Variants in PCDHA1 observed in about 807,000 individuals in gnomAD.
PCDHA1 encodes protocadherin alpha-1.
Under a neutral mutation model 61.3 loss-of-function variants are expected in PCDHA1, and 42 were observed. That is an observed-to-expected ratio of 0.69 (90% CI 0.54 to 0.89). The LOEUF is 0.89. Among genes scored for constraint, PCDHA1 ranks in the 40% least tolerant of loss-of-function variants. The probability of loss-of-function intolerance (pLI) is 0.00; values close to 1 mark genes in which losing one functional copy is unlikely to be tolerated. For missense variants in PCDHA1, 1,256 were observed against 1,235.3 expected, an observed-to-expected ratio of 1.02 and a Z score of -0.25; for synonymous variants, 610 against 553.8, an observed-to-expected ratio of 1.10 and a Z score of -1.43.
chr5:141,010,146 C>T lies in PCDHA1; in HGVS notation c.*209C>T. 2 of 1,584,410 alleles carry T rather than the reference C, an allele frequency of 1.3e-6. No homozygotes were observed. Among genetic ancestry groups the T allele is most frequent in the Non-Finnish European group, 1.7e-6 (2 of 1,164,258 alleles). On this transcript the variant is annotated 3_prime_UTR_variant, in exon 4 of 4. Coordinates refer to ENST00000504120, the MANE Select transcript of PCDHA1 (RefSeq NM_018900.4). ...TAAGTCTGGTGTTAACTCTTTCTCTCCACTCTGGCTTGTTTTCAGAACCTA... is the reference window on the plus strand; with the variant it reads ...TAAGTCTGGTGTTAACTCTTTCTCTTCACTCTGGCTTGTTTTCAGAACCTA...
intron 1 of PCDHA1, among the ~76,000 whole-genome samples, chr5:140,846,109 A>C (rs1780201260): frequency 6.7e-6 from 1 of 149,748 alleles, no homozygotes; most frequent in Non-Finnish European, 1.5e-5. Context: ...TGTGTAGACT[A>C]TCTTACTTTG....
In PCDHA1 at chr5:140,830,512, T is replaced by C. The variant is rs2150187372; in HGVS notation, c.2394+41828T>C. The C allele has an allele frequency of 1.4e-4, 192 of 1,383,570 alleles. 1 individual carries two copies. The highest frequency in any genetic ancestry group is 1.8e-4 in the Non-Finnish European group (187 of 1,037,940). The allele number at this position is 1,383,570 out of a possible 1,614,324, so 85.7% of individuals were successfully genotyped here. On this transcript the variant is annotated intron_variant, in intron 1 of 3. Coordinates refer to ENST00000504120, the MANE Select transcript of PCDHA1 (RefSeq NM_018900.4). ...TAAGTGAATTTTCATAATTAACAGTTAATTTTTATTTTAAATTTATAATTG... is the reference window on the plus strand; with the variant it reads ...TAAGTGAATTTTCATAATTAACAGTCAATTTTTATTTTAAATTTATAATTG...
chr5:140,957,254 A>T (rs2095344725), intron 1 of PCDHA1, among the ~76,000 whole-genome samples: 1 of 152,192 alleles, frequency 6.6e-6, no homozygotes, highest in Non-Finnish European at 1.5e-5. Flanking sequence ...TAAAATTTAA[A>T]TATGTAAGCA....
chr5:140,927,422 T>G, intron 1 of PCDHA1: 1 of 1,614,028 alleles, frequency 6.2e-7, no homozygotes. Context: ...GGATCGCGGG[T>G]TGACGGCAGC....
intron 2 of PCDHA1, among the ~76,000 whole-genome samples, chr5:140,980,905 A>G (rs182283088): frequency 1.5e-4 from 23 of 152,274 alleles, no homozygotes; most frequent in Admixed American, 1.4e-3. Context: ...ACATCATGTA[A>G]CTATTCTTTA....
chr5:140,867,131 T>A (rs769857763), intron 1 of PCDHA1: 12 of 152,188 alleles, frequency 7.9e-5, no homozygotes, highest in African/African-American at 2.9e-4. Context: ...TTCAAATATG[T>A]GATATTATCA....
intron 3 of PCDHA1, among the ~76,000 whole-genome samples, chr5:141,006,275 G>C (rs782763386): frequency 6.6e-6 from 1 of 151,772 alleles, no homozygotes; most frequent in Non-Finnish European, 1.5e-5. Flanking sequence ...GCAGTGGCAC[G>C]ATCTCAGCTC....
chr5:140,945,998 A>G (rs246057), intron 1 of PCDHA1, among the ~76,000 whole-genome samples: 85,388 of 151,608 alleles, frequency 0.56, 24,621 homozygotes, highest in African/African-American at 0.69. Context: ...GATTGCATCA[A>G]ACTAAAAAGC....
intron 3 of PCDHA1, among the ~76,000 whole-genome samples, chr5:141,001,157 A>T (rs1554258022): frequency 6.6e-6 from 1 of 152,136 alleles, no homozygotes; most frequent in African/African-American, 2.4e-5. Flanking sequence ...TGATCTTAAT[A>T]AGTAAAATTT....
In PCDHA1 at chr5:140,891,714, A is replaced by T. The variant is rs147881763; in HGVS notation, c.2395-87235A>T. On this transcript the variant is annotated intron_variant, in intron 1 of 3. Transcript: ENST00000504120. ...GCTGTTGTCTGAATTTGTACCCCCA[A>T]ATTCATGTGTTGAAAATTCAATCCC... Among the ~76,000 whole-genome samples the T allele has an allele frequency of 2.6e-5, 4 of 152,262 alleles. No individual in the cohort carries two copies. In the East Asian group the frequency reaches 5.8e-4, roughly 22 times the overall value.
At chr5:140,955,155 C>T (rs1241099289) in intron 1 of PCDHA1, among the ~76,000 whole-genome samples, 1 of 152,088 alleles carries the variant, frequency 6.6e-6, no homozygotes, top group Non-Finnish European at 1.5e-5. Context: ...GTACCAGTAC[C>T]GTGCTGTTTT....
At chr5:140,882,018 A>C in intron 1 of PCDHA1, 2 of 559,360 alleles carry the variant, frequency 3.6e-6, no homozygotes, top group East Asian at 3.1e-5. Context: ...AAAATACTAC[A>C]TCAATGGAAA....
At chr5:140,858,660 TAAC>T in intron 1 of PCDHA1, 1 of 753,410 alleles carries the variant, frequency 1.3e-6, no homozygotes, top group East Asian at 2.7e-5. Flanking sequence ...TTTTTTTAAA[TAAC>T]AATTTATTCT....
Position 140,821,826 on chromosome 5 carries a change from G to T in PCDHA1, c.2394+33142G>T, listed in dbSNP as rs1554128222. 4 of 1,613,992 alleles carry T rather than the reference G, an allele frequency of 2.5e-6. No homozygotes were observed. In the East Asian group the frequency reaches 6.7e-5, roughly 27 times the overall value. ...TGGGATCCCGGCTCCTGCTGCTCTG[G>T]CTTCTCCTTGCCTACTGGAAGGCAG... is the stretch of plus-strand genomic sequence containing the variant. On this transcript the variant is annotated intron_variant, in intron 1 of 3. Coordinates refer to ENST00000504120, the MANE Select transcript of PCDHA1 (RefSeq NM_018900.4).
intron 1 of PCDHA1, chr5:140,856,447 CG>C (rs782392908): frequency 2.5e-6 from 4 of 1,598,330 alleles, no homozygotes. Flanking sequence ...CCAGGTTCTC[CG>C]TAACAGAACA....
At chr5:140,857,987 C>A (rs1562532129) in intron 1 of PCDHA1, 2 of 1,596,876 alleles carry the variant, frequency 1.3e-6, no homozygotes, top group East Asian at 4.5e-5. Context: ...CCAGCGCCTA[C>A]TGGTGCTGGT....
At chr5:140,923,616 A>T (rs2081445050) in intron 1 of PCDHA1, among the ~76,000 whole-genome samples, 1 of 152,234 alleles carries the variant, frequency 6.6e-6, no homozygotes, top group African/African-American at 2.4e-5. Flanking sequence ...TTATCTGGTC[A>T]TCTTATCCAA....
At chr5:140,856,020 G>A (rs782082828) in intron 1 of PCDHA1, 2 of 1,553,262 alleles carry the variant, frequency 1.3e-6, no homozygotes, top group African/African-American at 1.4e-5. Context: ...CCGCTGATTC[G>A]TCGATTTGTA....
chr5:141,010,398 G>C lies in PCDHA1; in HGVS notation c.*461G>C. The C allele has an allele frequency of 7.6e-7, 1 of 1,323,994 alleles. No individual in the cohort carries two copies. Among genetic ancestry groups the C allele is most frequent in the South Asian group, 1.5e-5 (1 of 66,476 alleles). 82.0% of individuals were successfully genotyped at this position (1,323,994 alleles called of 1,614,324 possible). A position where few individuals can be genotyped will look rare whatever the true frequency, so the allele number is the denominator to read the frequency against. ...GCCAGATATTGGCTGAGACGAGCCA[G>C]CTTAGACTAATTGGTACAAGGAAGG... On this transcript the variant is annotated 3_prime_UTR_variant, in exon 4 of 4. Transcript: ENST00000504120.
Sources: allele counts gnomAD v4.1 joint callset (sites outside exome capture counted in the v4.1 genomes callset), GRCh38; gene constraint gnomAD v4.1.1; transcripts MANE v1.5; gene names NCBI Gene and HGNC (gene_info 2026-07-23, HGNC 2026-07-21).